The following DCAF1 variants were observed in gnomAD, a reference collection of about 807,000 sequenced individuals.
DCAF1 encodes the protein DDB1 and CUL4 associated factor 1.
In DCAF1, 15 loss-of-function variants were observed where a neutral mutation model predicts 128.0. The ratio of observed to expected loss-of-function variants is 0.12; its 90% CI spans 0.08 to 0.18. The LOEUF (loss-of-function observed/expected upper bound fraction) is 0.18. Among genes scored for constraint, DCAF1 ranks in the 10% least tolerant of loss-of-function variants. The pLI is 1.00. For synonymous variants in DCAF1, 610 were observed against 603.0 expected, an observed-to-expected ratio of 1.01 and a Z score of -0.17; for missense variants, 988 against 1,649.5, an observed-to-expected ratio of 0.60 and a Z score of 6.95.
At chr3:51,411,505 G>GT (rs1252238525) in intron 23 of DCAF1, among the ~76,000 whole-genome samples, 2 of 152,136 alleles carry the variant, frequency 1.3e-5, no homozygotes, top group Non-Finnish European at 2.9e-5. Context: ...AGCACCTAGC[G>GT]TAATACAACC....
intron 3 of DCAF1, among the ~76,000 whole-genome samples, chr3:51,482,764 C>CAAA (rs797042469): frequency 6.7e-5 from 2 of 29,948 alleles, no homozygotes; most frequent in African/African-American, 2.5e-4. Context: ...CACTCCATCT[C>CAAA]AAAAAAAAAA....
At chr3:51,419,006 T>C in intron 15 of DCAF1, 130 bp from the exon 16 acceptor site, 1 of 1,358,778 alleles carries the variant, frequency 7.4e-7, no homozygotes, top group South Asian at 1.7e-5. Flanking sequence ...CACAGTGACC[T>C]TCAGTGCTTT....
At chr3:51,425,657 G>T (rs1699846141) in intron 13 of DCAF1, among the ~76,000 whole-genome samples, 1 of 142,880 alleles carries the variant, frequency 7.0e-6, no homozygotes, top group South Asian at 2.3e-4. Flanking sequence ...CTACCTCCTG[G>T]GCTCAAGCAA....
At chr3:51,437,177 T>G (rs1249167251) in intron 9 of DCAF1, among the ~76,000 whole-genome samples, 1 of 146,674 alleles carries the variant, frequency 6.8e-6, no homozygotes, top group East Asian at 2.0e-4. Flanking sequence ...ACAGGAGAAC[T>G]GCTTGAACCC....
intron 18 of DCAF1, among the ~76,000 whole-genome samples, chr3:51,416,034 T>TA: frequency 6.6e-6 from 1 of 152,266 alleles, no homozygotes; most frequent in Middle Eastern, 3.4e-3. Flanking sequence ...GCTCCTCTCA[T>TA]GTGTCAGGTG....
intron 1 of DCAF1, among the ~76,000 whole-genome samples, 143 bp from the exon 2 acceptor site, chr3:51,496,923 T>G (rs1708290701): frequency 6.6e-6 from 1 of 152,192 alleles, no homozygotes; most frequent in African/African-American, 2.4e-5. Flanking sequence ...ATGACAGGCC[T>G]GCAACTTATT....
In DCAF1 at chr3:51,414,822, A is replaced by G; in HGVS notation, c.3639T>C (p.Thr1213=). 1 of 1,614,048 alleles carries G rather than the reference A, an allele frequency of 6.2e-7. No homozygotes were observed. Among genetic ancestry groups the G allele is most frequent in the Non-Finnish European group, 8.5e-7 (1 of 1,179,898 alleles). Residue 1213 remains threonine, a synonymous_variant, in exon 19 of 25, where the codon ACT becomes ACC. Transcript: ENST00000684031. ...TGTTGGCAAGATCTGGGTTAAACAG[A>G]GTCAACAGCTTGTTGCCAGTCTGAA... The part of the protein sequence containing the change: ...YDIQTGNKLL[T]LFNPDLANNY...
At chr3:51,498,545 C>T (rs989440608) in intron 1 of DCAF1, among the ~76,000 whole-genome samples, 2 of 151,904 alleles carry the variant, frequency 1.3e-5, no homozygotes, top group Admixed American at 6.6e-5. Flanking sequence ...GCCTGGGCAA[C>T]ATACTGAGAC....
At position 51,424,131 on chromosome 3, in the gene DCAF1, T is replaced by C. The variant is rs201906464; in HGVS notation, c.1848-1700A>G. On this transcript the variant is annotated intron_variant, in intron 13 of 24. Coordinates refer to ENST00000684031, the MANE Select transcript of DCAF1 (RefSeq NM_001387579.1). The stretch of plus-strand genomic sequence containing the variant: ...AGAAATGTTGGATGTCTTTTGTAGT[T>C]AAAAAAGAAAAAACCGGCTGGGTGT... Among the ~76,000 whole-genome samples, 6 of 152,094 alleles carry C rather than the reference T, an allele frequency of 3.9e-5. No homozygotes were observed. In the East Asian group the frequency reaches 1.2e-3, roughly 29 times the overall value.
intron 6 of DCAF1, among the ~76,000 whole-genome samples, chr3:51,454,078 T>G (rs2107875941): frequency 6.6e-6 from 1 of 152,332 alleles, no homozygotes; most frequent in South Asian, 2.1e-4. Context: ...TGTCTCACTC[T>G]CTTGTCAGGG....
At chr3:51,422,931 G>C (rs1277715633) in intron 13 of DCAF1, among the ~76,000 whole-genome samples, 1 of 151,978 alleles carries the variant, frequency 6.6e-6, no homozygotes, top group Non-Finnish European at 1.5e-5. Flanking sequence ...AGCCGGGTGT[G>C]GTAGCACGTG....
intron 2 of DCAF1, among the ~76,000 whole-genome samples, chr3:51,491,686 A>C (rs1249265346): frequency 6.6e-6 from 1 of 152,060 alleles, no homozygotes; most frequent in African/African-American, 2.4e-5. Context: ...ATCTCTACTA[A>C]AATACAAAAA....
intron 3 of DCAF1, among the ~76,000 whole-genome samples, chr3:51,482,470 GAT>G (rs1706324680): frequency 1.3e-5 from 2 of 149,984 alleles, no homozygotes; most frequent in South Asian, 2.1e-4. Flanking sequence ...GCCAGGTAAA[GAT>G]ATATTCACCA....
intron 24 of DCAF1, among the ~76,000 whole-genome samples, 186 bp from the exon 25 acceptor site, chr3:51,399,013 T>C (rs1424448389): frequency 2.6e-5 from 4 of 152,228 alleles, no homozygotes; most frequent in African/African-American, 9.6e-5. Flanking sequence ...TGCTTGGCAG[T>C]TGTATTCTCC....
intron 7 of DCAF1, among the ~76,000 whole-genome samples, chr3:51,442,375 C>T (rs1409821891): frequency 6.6e-6 from 1 of 152,146 alleles, no homozygotes; most frequent in East Asian, 1.9e-4. Context: ...TGGGCCAACG[C>T]TATAAAGTGG....
chr3:51,424,767 A>C (rs1169347821), intron 13 of DCAF1, among the ~76,000 whole-genome samples: 1 of 152,252 alleles, frequency 6.6e-6, no homozygotes, highest in Non-Finnish European at 1.5e-5. Context: ...AAATATTTAT[A>C]ATTTAAAAAC....
intron 24 of DCAF1, among the ~76,000 whole-genome samples, chr3:51,400,091 T>C (rs868989855): frequency 6.6e-6 from 1 of 152,124 alleles, no homozygotes; most frequent in Non-Finnish European, 1.5e-5. Context: ...GCAAAAGAAA[T>C]GGCTGACAAA....
chr3:51,500,281 G>A (rs1416355882), upstream of DCAF1, among the ~76,000 whole-genome samples: 1 of 151,984 alleles, frequency 6.6e-6, no homozygotes, highest in South Asian at 2.1e-4. Context: ...TTGGATAAAT[G>A]CGAACTGCTG....
chr3:51,424,112 G>A (rs768888251), intron 13 of DCAF1, among the ~76,000 whole-genome samples: 1 of 152,066 alleles, frequency 6.6e-6, no homozygotes, highest in Non-Finnish European at 1.5e-5. Flanking sequence ...GTAGAGAAAT[G>A]TTGGATGTCT....
Sources: gnomAD v4.1 joint callset for allele counts (sites outside exome capture counted in the v4.1 genomes callset) on GRCh38, gnomAD v4.1.1 for gene constraint, MANE v1.5 for transcripts, NCBI Gene and HGNC (gene_info 2026-07-23, HGNC 2026-07-21) for gene names.